MRTFB: variants seen among roughly 807,000 people sequenced by gnomAD.
MRTFB encodes myocardin-related transcription factor B.
Under a neutral mutation model 104.2 loss-of-function variants are expected in MRTFB, and 29 were observed. The ratio of observed to expected loss-of-function variants is 0.28; its 90% CI spans 0.21 to 0.38. MRTFB has a LOEUF of 0.38. Among genes scored for constraint, MRTFB ranks in the 10% least tolerant of loss-of-function variants. The pLI, the probability that MRTFB is intolerant of heterozygous loss-of-function variation, is 1.00. For synonymous variants in MRTFB, 535 were observed against 519.5 expected, an observed-to-expected ratio of 1.03 and a Z score of -0.41; for missense variants, 1,270 against 1,341.6, an observed-to-expected ratio of 0.95 and a Z score of 0.83.
chr16:14,154,027 T>C (rs530444322), intron 3 of MRTFB, among the ~76,000 whole-genome samples: 1 of 152,322 alleles, frequency 6.6e-6, no homozygotes, highest in African/African-American at 2.4e-5. Flanking sequence ...CCCATCTGCA[T>C]CTTTATATTT....
chr16:14,079,483 C>G (rs1442126774), intron 2 of MRTFB, 129 bp downstream of exon 2: 2 of 302,236 alleles, frequency 6.6e-6, no homozygotes, highest in African/African-American at 2.1e-5. Flanking sequence ...GTTCATAGAA[C>G]CTAGAGTTCT....
At chr16:14,093,970 T>A (rs2035223395) in intron 2 of MRTFB, among the ~76,000 whole-genome samples, 1 of 152,170 alleles carries the variant, frequency 6.6e-6, no homozygotes, top group Admixed American at 6.5e-5. Context: ...AATGATTCTA[T>A]TTTTTAAGAA....
the MRTFB span, among the ~76,000 whole-genome samples, chr16:14,063,062 T>G: frequency 6.6e-6 from 1 of 152,282 alleles, no homozygotes; most frequent in African/African-American, 2.4e-5. Context: ...GGACTTACAA[T>G]GTGGGATTTC....
intron 2 of MRTFB, among the ~76,000 whole-genome samples, chr16:14,115,716 AT>A (rs2036509324): frequency 6.6e-6 from 1 of 152,218 alleles, no homozygotes; most frequent in South Asian, 2.1e-4. Context: ...ATCAGCTCAG[AT>A]TCTGATTTTG....
chr16:14,038,097 G>A, the MRTFB span, among the ~76,000 whole-genome samples: 1 of 152,114 alleles, frequency 6.6e-6, no homozygotes, highest in East Asian at 1.9e-4. Flanking sequence ...CACAGTTCTG[G>A]AGGCTAGAAG....
In MRTFB at chr16:14,240,718, G is replaced by A. The variant is rs778915124; in HGVS notation, c.1079+234G>A. On this transcript the variant is annotated intron_variant, in intron 10 of 16. Coordinates refer to ENST00000571589, the MANE Select transcript of MRTFB (RefSeq NM_001308142.2). ...TTCTGAATTTTTACAAGTTAGAAAT[G>A]CCTTTTCACAATTATTCATCCAGAT... 6 of 804,810 alleles carry A rather than the reference G, an allele frequency of 7.5e-6. No individual in the cohort carries two copies. The South Asian group carries it at 8.0e-5, about 11-fold the overall frequency. The allele number at this position is 804,810 out of a possible 1,614,324, so 49.9% of individuals were successfully genotyped here.
chr16:14,126,498 A>G (rs989263646), intron 2 of MRTFB, among the ~76,000 whole-genome samples: 4 of 152,186 alleles, frequency 2.6e-5, no homozygotes, highest in African/African-American at 9.7e-5. Flanking sequence ...CAAGCTAGAA[A>G]GGGGGTTAAA....
At position 14,182,339 on chromosome 16, in the gene MRTFB, G is replaced by A. The variant is rs13338272; in HGVS notation, c.155-27904G>A. Among the ~76,000 whole-genome samples, 855 of 152,294 alleles carry A rather than the reference G, an allele frequency of 5.6e-3. 7 individuals are homozygous for A. Among genetic ancestry groups the A allele is most frequent in the African/African-American group, 0.018 (742 of 41,564 alleles). The stretch of plus-strand genomic sequence containing the variant: ...GATGTATACAGGGTGTCCATGAGTG[G>A]AGTGGCAGAAGCTATGGGAGACAGG... On this transcript the variant is annotated intron_variant, in intron 3 of 16. Transcript: ENST00000571589.
the MRTFB span, among the ~76,000 whole-genome samples, chr16:14,002,058 G>A: frequency 6.6e-6 from 1 of 152,188 alleles, no homozygotes; most frequent in African/African-American, 2.4e-5. Context: ...CTCGCTGTAA[G>A]CCTGAAGACT....
the MRTFB span, among the ~76,000 whole-genome samples, chr16:14,007,611 G>A: frequency 3.3e-5 from 5 of 152,124 alleles, no homozygotes; most frequent in African/African-American, 9.7e-5. Flanking sequence ...TGAGTCATAT[G>A]GTAACTCTAA....
chr16:14,212,474 G>T (rs2041235476), intron 5 of MRTFB, 65 bp downstream of exon 5: 2 of 1,452,080 alleles, frequency 1.4e-6, no homozygotes, highest in Non-Finnish European at 1.9e-6. Context: ...TAAAATACCT[G>T]TGTACAAGTA....
chr16:14,127,902 T>A (rs1361961382), intron 2 of MRTFB, among the ~76,000 whole-genome samples: 3 of 35,772 alleles, frequency 8.4e-5, no homozygotes, highest in Admixed American at 2.6e-4. Flanking sequence ...CAAAACTGAA[T>A]ATATATATAT....
intron 3 of MRTFB, among the ~76,000 whole-genome samples, chr16:14,161,068 A>G (rs1027954886): frequency 1.6e-5 from 2 of 126,524 alleles, no homozygotes; most frequent in African/African-American, 6.2e-5. Flanking sequence ...GTTCTGTTTT[A>G]GTAGGTAATG....
chr16:14,124,347 T>C (rs1263249676), intron 2 of MRTFB, among the ~76,000 whole-genome samples: 23 of 152,312 alleles, frequency 1.5e-4, no homozygotes, highest in African/African-American at 5.3e-4. Context: ...TGTGCCAGTT[T>C]TCAAAGGGAA....
At chr16:14,253,961 C>T (rs965185297) in intron 15 of MRTFB, among the ~76,000 whole-genome samples, 3 of 152,154 alleles carry the variant, frequency 2.0e-5, no homozygotes, top group Non-Finnish European at 2.9e-5. Flanking sequence ...GGAGCAGAGA[C>T]GAAGTGAATT....
At chr16:14,160,559 C>T (rs555016854) in intron 3 of MRTFB, among the ~76,000 whole-genome samples, 1 of 152,242 alleles carries the variant, frequency 6.6e-6, no homozygotes, top group African/African-American at 2.4e-5. Context: ...TAAGACTATT[C>T]TGTTTCCCAA....
chr16:14,254,564 G>T (rs2151446025), intron 15 of MRTFB, among the ~76,000 whole-genome samples: 1 of 152,352 alleles, frequency 6.6e-6, no homozygotes, highest in African/African-American at 2.4e-5. Flanking sequence ...CACATCTCTG[G>T]CTGACCCCTA....
At chr16:14,071,003 C>T (rs545989822), upstream of MRTFB, among the ~76,000 whole-genome samples, 4 of 152,340 alleles carry the variant, frequency 2.6e-5, no homozygotes, top group African/African-American at 9.6e-5. Flanking sequence ...CGGGTGGCAG[C>T]GGTCACCTTT....
At chr16:14,109,596 A>T (rs2142142806) in intron 2 of MRTFB, among the ~76,000 whole-genome samples, 1 of 152,308 alleles carries the variant, frequency 6.6e-6, no homozygotes, top group East Asian at 1.9e-4. Context: ...AGTCCGTGGT[A>T]CCTTGTTAAA....
Sources: allele counts gnomAD v4.1 joint callset (sites outside exome capture counted in the v4.1 genomes callset), GRCh38; gene constraint gnomAD v4.1.1; transcripts MANE v1.5; gene names NCBI Gene and HGNC (gene_info 2026-07-23, HGNC 2026-07-21).